Variants in P2RX3 observed in about 807,000 individuals in gnomAD.
P2RX3 encodes the protein purinergic receptor P2X 3.
P2RX3 carries 41 observed loss-of-function variants against 51.5 expected under a neutral mutation model. The observed-to-expected ratio is 0.80, with a 90% CI of 0.62 to 1.03. P2RX3 has a LOEUF of 1.03. Among genes scored for constraint, P2RX3 ranks in the 50% least tolerant of loss-of-function variants. P2RX3 has a pLI of 0.00. For synonymous variants in P2RX3, 185 were observed against 191.6 expected (o/e 0.97, Z 0.29); for missense variants, 459 against 522.1 (o/e 0.88, Z 1.18).
chr11:57,336,440 G>A (rs1856223076), upstream of P2RX3, among the ~76,000 whole-genome samples: 2 of 152,178 alleles, frequency 1.3e-5, no homozygotes, highest in African/African-American at 4.8e-5. Flanking sequence ...TCACCTTGGA[G>A]CCAGAACTGA....
At chr11:57,348,561 C>A in intron 5 of P2RX3, 66 bp from the exon 6 acceptor site, 1 of 1,377,806 alleles carries the variant, frequency 7.3e-7, no homozygotes, top group Non-Finnish European at 1.0e-6. Flanking sequence ...AGGTCGCCCT[C>A]AGGTGAAAGC....
At chr11:57,340,592 T>C (rs1398079730) in intron 1 of P2RX3, 1 of 152,238 alleles carries the variant, frequency 6.6e-6, no homozygotes, top group African/African-American at 2.4e-5. Flanking sequence ...CCAGGCACTG[T>C]GGATTGAGGA....
intron 6 of P2RX3, among the ~76,000 whole-genome samples, chr11:57,349,027 G>A (rs1856495007): frequency 1.3e-5 from 2 of 152,152 alleles, no homozygotes; most frequent in Non-Finnish European, 2.9e-5. Context: ...TTTCGGTCTC[G>A]TCCCATTCTT....
intron 8 of P2RX3, among the ~76,000 whole-genome samples, chr11:57,361,422 T>G (rs1216337456): frequency 6.6e-6 from 1 of 152,190 alleles, no homozygotes; most frequent in Non-Finnish European, 1.5e-5. Flanking sequence ...ATGCATTAGC[T>G]ATTTATCCTG....
chr11:57,348,088 T>TGGGGGGAAGGGAAGA (rs1856474608), intron 4 of P2RX3, 82 bp from the exon 5 acceptor site: 2 of 1,225,354 alleles, frequency 1.6e-6, no homozygotes. Context: ...GGGTCCCTGA[T>TGGGGGGAAGGGAAGA]GGGGGGAAGG....
chr11:57,349,859 C>G lies in P2RX3; in HGVS notation c.666C>G (p.Val222=). ...FCPILRVGDV[V]KFAGQDFAKL... ...CCATCTTGCGGGTAGGGGACGTGGT[C>G]AAGTTTGCGGGGCAGGATTTTGCCA... Residue 222 remains valine, a synonymous_variant, in exon 7 of 12, where the codon GTC becomes GTG. Transcript: ENST00000263314. 6.2e-7 allele frequency: 1 copy of G among 1,614,216 alleles called. No homozygotes were observed. Among genetic ancestry groups the G allele is most frequent in the Non-Finnish European group, 8.5e-7 (1 of 1,180,044 alleles).
chr11:57,358,770 G>C (rs891645795), intron 8 of P2RX3, among the ~76,000 whole-genome samples: 4 of 152,190 alleles, frequency 2.6e-5, no homozygotes, highest in African/African-American at 9.7e-5. Flanking sequence ...TTGGAATGGA[G>C]CTCCAGCCCT....
chr11:57,370,252 A>G lies in P2RX3; in HGVS notation c.*255A>G, dbSNP rs1856864736. 2.0e-6 allele frequency: 1 copy of G among 499,976 alleles called. No individual in the cohort carries two copies. Among genetic ancestry groups the G allele is most frequent in the Non-Finnish European group, 3.6e-6 (1 of 278,704 alleles). The allele number at this position is 499,976 out of a possible 1,614,324, so 31.0% of individuals were successfully genotyped here. On this transcript the variant is annotated 3_prime_UTR_variant, in exon 12 of 12. Coordinates refer to ENST00000263314, the MANE Select transcript of P2RX3 (RefSeq NM_002559.5). ...AGGACCCCTGGGGCAGGAGCACCTG[A>G]GCCATCCCCTTCCCAAAGAGTAGAG...
intron 7 of P2RX3, 28 bp from the exon 8 acceptor site, chr11:57,350,733 GA>G: frequency 1.2e-6 from 2 of 1,613,058 alleles, no homozygotes; most frequent in East Asian, 4.5e-5. Context: ...AGGGCGAGGG[GA>G]AAGCTCATAC....
chr11:57,347,187 G>A lies in P2RX3; in HGVS notation c.327G>A (p.Glu109=), dbSNP rs1413027956. The A allele has an allele frequency of 1.2e-6, 2 of 1,612,974 alleles. No individual in the cohort carries two copies. The highest frequency in any genetic ancestry group is 1.7e-6 in the Non-Finnish European group (2 of 1,179,518). The change falls in exon 3 of 12, where the codon GAG becomes GAA. Residue 109 remains glutamate, a splice_region_variant and synonymous_variant. Transcript: ENST00000263314. ...TENQMQGFCP[E]SEEKYRCVSD... ...ATCAGATGCAAGGATTCTGCCCAGA[G>A]GTGAGGGGAGGACAGAGGTTGGGTG...
rs569518321 is a variant in P2RX3 at position 57,344,069 on chromosome 11, A to G, written c.120-2475A>G. Among the ~76,000 whole-genome samples the G allele has an allele frequency of 1.1e-3, 163 of 152,378 alleles. 2 individuals carry two copies. The highest frequency in any genetic ancestry group is 2.9e-5 in the Non-Finnish European group (2 of 68,042). The stretch of plus-strand genomic sequence containing the variant: ...GAAAAGTGCTGGGAGATAAAGCAGC[A>G]CCACAAAGCCCCATAGAAGGCGGTA... On this transcript the variant is annotated intron_variant, in intron 1 of 11. Coordinates refer to ENST00000263314, the MANE Select transcript of P2RX3 (RefSeq NM_002559.5).
chr11:57,363,304 G>C (rs547516872), intron 8 of P2RX3, among the ~76,000 whole-genome samples: 1 of 152,302 alleles, frequency 6.6e-6, no homozygotes, highest in Non-Finnish European at 1.5e-5. Context: ...GCAACAGTCA[G>C]GGTTAGCATT....
At chr11:57,361,135 C>A (rs1281392022) in intron 8 of P2RX3, among the ~76,000 whole-genome samples, 1 of 152,214 alleles carries the variant, frequency 6.6e-6, no homozygotes, top group Non-Finnish European at 1.5e-5. Flanking sequence ...CCTCTACCCA[C>A]CAGCCCACCA....
rs1856513086 is a variant in P2RX3 at position 57,349,907 on chromosome 11, C to G, written c.705+9C>G. The G allele has an allele frequency of 1.2e-6, 2 of 1,614,022 alleles. No homozygotes were observed. Among genetic ancestry groups the G allele is most frequent in the Non-Finnish European group, 1.7e-6 (2 of 1,179,880 alleles). The stretch of plus-strand genomic sequence containing the variant: ...CCAAACTGGCGCGCACGGTGAGGAC[C>G]TAGCCATTCTTCCGCGACCCCAAAC... On this transcript the variant is annotated intron_variant, in intron 7 of 11. Transcript: ENST00000263314.
At chr11:57,347,037 G>T (rs1287978423) in intron 2 of P2RX3, 79 bp from the exon 3 acceptor site, 8 of 1,390,170 alleles carry the variant, frequency 5.8e-6, no homozygotes, top group Non-Finnish European at 6.1e-6. Flanking sequence ...CATCTGTAGA[G>T]TGGGGATAAT....
At chr11:57,345,327 G>A (rs577295436) in intron 1 of P2RX3, among the ~76,000 whole-genome samples, 32 of 152,294 alleles carry the variant, frequency 2.1e-4, no homozygotes, top group African/African-American at 4.6e-4. Flanking sequence ...TCCATGAGAC[G>A]TCACCAGTAT....
At chr11:57,351,317 A>G (rs1056217118) in intron 8 of P2RX3, among the ~76,000 whole-genome samples, 3 of 152,174 alleles carry the variant, frequency 2.0e-5, no homozygotes, top group Non-Finnish European at 2.9e-5. Flanking sequence ...GATAACTGGT[A>G]TCATTTTACA....
rs780931239 is a variant in P2RX3 at position 57,350,773 on chromosome 11, GGGCATTAAGATC to G, written c.721_732del (p.Ile241_Gly244del). 28 of 1,613,704 alleles carry G rather than the reference GGGCATTAAGATC, an allele frequency of 1.7e-5. No homozygotes were observed. In the Admixed American group the frequency reaches 4.5e-4, roughly 26 times the overall value. On this transcript the variant is annotated inframe_deletion, in exon 8 of 12. Transcript: ENST00000263314. The stretch of plus-strand genomic sequence containing the variant: ...GCCCGTTTCTTCAGGGGGGAGTTCT[GGGCATTAAGATC>G]GGCTGGGTGTGCGACTTGGACAAGG...
chr11:57,361,067 T>G (rs188826764), intron 8 of P2RX3, among the ~76,000 whole-genome samples: 3 of 152,290 alleles, frequency 2.0e-5, no homozygotes, highest in Non-Finnish European at 4.4e-5. Context: ...TGGGAAGAGA[T>G]GCACACAATT....
Sources: allele counts gnomAD v4.1 joint callset (sites outside exome capture counted in the v4.1 genomes callset), GRCh38; gene constraint gnomAD v4.1.1; transcripts MANE v1.5; gene names NCBI Gene and HGNC (gene_info 2026-07-23, HGNC 2026-07-21).